The following PDE4D variants were observed in gnomAD, a reference collection of about 807,000 sequenced individuals.
The protein encoded by PDE4D is 3',5'-cyclic-AMP phosphodiesterase 4D.
Under a neutral mutation model 87.4 loss-of-function variants are expected in PDE4D, and 24 were observed. The observed-to-expected ratio is 0.27, with a 90% CI of 0.20 to 0.39. The LOEUF is 0.39. Ranked by LOEUF, PDE4D falls within the 10% of genes least tolerant of loss-of-function variation. The pLI is 1.00. For synonymous variants in PDE4D, 384 were observed against 383.2 expected (o/e 1.00, Z -0.02); for missense variants, 714 against 1,041.0 (o/e 0.69, Z 4.32).
intron 1 of PDE4D, among the ~76,000 whole-genome samples, chr5:60,516,426 C>T (rs1369427466): frequency 1.3e-5 from 2 of 152,182 alleles, no homozygotes; most frequent in Non-Finnish European, 2.9e-5. Flanking sequence ...GCTCTCCATC[C>T]CTACCCTCAA....
At chr5:60,392,293 C>A (rs1762607551) in intron 1 of PDE4D, among the ~76,000 whole-genome samples, 1 of 152,130 alleles carries the variant, frequency 6.6e-6, no homozygotes, top group Non-Finnish European at 1.5e-5. Flanking sequence ...CACACTCAGT[C>A]CAAGTCCTAT....
At chr5:59,504,785 T>C (rs1808921617) in intron 1 of PDE4D, among the ~76,000 whole-genome samples, 1 of 151,994 alleles carries the variant, frequency 6.6e-6, no homozygotes, top group Non-Finnish European at 1.5e-5. Context: ...CCAGTCATTT[T>C]CCCCCTGCTC....
intron 1 of PDE4D, among the ~76,000 whole-genome samples, chr5:60,328,636 T>A (rs1172805294): frequency 6.6e-6 from 1 of 152,230 alleles, no homozygotes; most frequent in Non-Finnish European, 1.5e-5. Flanking sequence ...TTTTGTAGAT[T>A]TTTTTGGGCT....
At chr5:60,442,169 A>T (rs1745278287) in intron 1 of PDE4D, among the ~76,000 whole-genome samples, 1 of 152,196 alleles carries the variant, frequency 6.6e-6, no homozygotes, top group South Asian at 2.1e-4. Context: ...TGTTCACAAT[A>T]GCAAAGACTT....
intron 1 of PDE4D, among the ~76,000 whole-genome samples, chr5:59,638,713 G>C (rs1179450940): frequency 6.6e-6 from 1 of 151,940 alleles, no homozygotes; most frequent in Non-Finnish European, 1.5e-5. Flanking sequence ...GAAATGTAAG[G>C]ACAAAGCACA....
intron 1 of PDE4D, among the ~76,000 whole-genome samples, chr5:59,465,204 T>A (rs1047380618): frequency 1.1e-4 from 16 of 152,218 alleles, no homozygotes; most frequent in Admixed American, 1.0e-3. Flanking sequence ...TAAACCGTAC[T>A]GTCCATTCAG....
At chr5:59,009,798 GA>G (rs1412828806) in intron 6 of PDE4D, among the ~76,000 whole-genome samples, 1 of 152,028 alleles carries the variant, frequency 6.6e-6, no homozygotes, top group African/African-American at 2.4e-5. Context: ...ATCTAACTTT[GA>G]AAAATATTAG....
At chr5:58,978,506 T>G (rs186654302) in intron 11 of PDE4D, among the ~76,000 whole-genome samples, 4 of 152,124 alleles carry the variant, frequency 2.6e-5, no homozygotes, top group Non-Finnish European at 5.9e-5. Flanking sequence ...AACGAATGCA[T>G]AGAAAATATA....
rs1437060954 is a variant in PDE4D at position 59,450,408 on chromosome 5, G to A, written c.456-234440C>T. Among the ~76,000 whole-genome samples the A allele has an allele frequency of 3.9e-5, 6 of 152,064 alleles. No individual in the cohort carries two copies. In the East Asian group the frequency reaches 9.7e-4, roughly 25 times the overall value. On this transcript the variant is annotated intron_variant, in intron 1 of 14. Coordinates refer to ENST00000340635, the MANE Select transcript of PDE4D (RefSeq NM_001104631.2). Reference sequence around the variant, plus strand: ...GGCTGGTAACAAAAGGAACCTGGTGGGTCAGCAGTTTAGCACTGAGTACAC... The same window carrying A: ...GGCTGGTAACAAAAGGAACCTGGTGAGTCAGCAGTTTAGCACTGAGTACAC...
intron 1 of PDE4D, among the ~76,000 whole-genome samples, chr5:59,466,540 G>A (rs1801607453): frequency 6.6e-6 from 1 of 152,184 alleles, no homozygotes; most frequent in Admixed American, 6.5e-5. Flanking sequence ...AGAAAGCAGA[G>A]ACAGTTCATT....
intron 2 of PDE4D, among the ~76,000 whole-genome samples, chr5:60,051,403 A>C (rs1369401491): frequency 6.6e-6 from 1 of 152,222 alleles, no homozygotes; most frequent in African/African-American, 2.4e-5. Flanking sequence ...CCACACAACT[A>C]CATGGAAACT....
chr5:59,730,304 CAGGTTAAAGTGAAATAACATTA>C (rs1268476165), intron 1 of PDE4D, among the ~76,000 whole-genome samples: 1 of 152,080 alleles, frequency 6.6e-6, no homozygotes, highest in Non-Finnish European at 1.5e-5. Context: ...TGGGGACAAC[CAGGTTAAAGTGAAATAACATTA>C]CAGCTATGTA....
At chr5:59,903,816 C>T (rs1312690673) in intron 3 of PDE4D, among the ~76,000 whole-genome samples, 1 of 152,146 alleles carries the variant, frequency 6.6e-6, no homozygotes, top group East Asian at 1.9e-4. Flanking sequence ...GCCTGCCTCT[C>T]TGCAGTGTCC....
chr5:59,830,855 T>G (rs1741088941), intron 1 of PDE4D, among the ~76,000 whole-genome samples: 2 of 152,108 alleles, frequency 1.3e-5, no homozygotes, highest in Non-Finnish European at 2.9e-5. Flanking sequence ...ACTATAGAAA[T>G]TTTAAAAATA....
At chr5:59,380,727 T>TCTTA (rs1358751664) in intron 1 of PDE4D, among the ~76,000 whole-genome samples, 1 of 152,164 alleles carries the variant, frequency 6.6e-6, no homozygotes, top group African/African-American at 2.4e-5. Context: ...AACATTTCAT[T>TCTTA]CTTAGACCAA....
At chr5:59,486,507 T>G (rs1427895903) in intron 1 of PDE4D, among the ~76,000 whole-genome samples, 1 of 152,222 alleles carries the variant, frequency 6.6e-6, no homozygotes, top group Non-Finnish European at 1.5e-5. Context: ...ACAACACTTA[T>G]AAAATACTTC....
intron 3 of PDE4D, among the ~76,000 whole-genome samples, chr5:59,962,061 T>A (rs1159722482): frequency 6.6e-6 from 1 of 151,404 alleles, no homozygotes; most frequent in African/African-American, 2.4e-5. Flanking sequence ...TTTTTTTAGA[T>A]TAAAGGACTA....
chr5:59,987,848 C>A (rs1046962031), intron 3 of PDE4D: 1 of 151,996 alleles, frequency 6.6e-6, no homozygotes, highest in Non-Finnish European at 1.5e-5. Context: ...TGGTAAACAA[C>A]ACGAAAAAGA....
chr5:60,439,037 C>A (rs151183185), intron 1 of PDE4D, among the ~76,000 whole-genome samples: 27 of 152,240 alleles, frequency 1.8e-4, no homozygotes, highest in African/African-American at 6.5e-4. Flanking sequence ...CAGGAAGGAA[C>A]TGGCTATGTA....
Sources: allele counts gnomAD v4.1 joint callset (sites outside exome capture counted in the v4.1 genomes callset), GRCh38; gene constraint gnomAD v4.1.1; transcripts MANE v1.5; gene names NCBI Gene and HGNC (gene_info 2026-07-23, HGNC 2026-07-21).